The following KAZN variants were observed in gnomAD, a reference collection of about 807,000 sequenced individuals.
The protein encoded by KAZN is kazrin.
KAZN carries 40 observed loss-of-function variants against 87.4 expected under a neutral mutation model. The observed-to-expected ratio is 0.46, with a 90% CI of 0.36 to 0.60. The LOEUF (loss-of-function observed/expected upper bound fraction) is 0.60. Ranked by LOEUF, KAZN falls within the 20% of genes least tolerant of loss-of-function variation. The probability of loss-of-function intolerance (pLI) is 0.00; values close to 1 mark genes in which losing one functional copy is unlikely to be tolerated. For synonymous variants in KAZN, 466 were observed against 458.3 expected, an observed-to-expected ratio of 1.02 and a Z score of -0.22; for missense variants, 898 against 1,073.9, an observed-to-expected ratio of 0.84 and a Z score of 2.29.
chr1:14,317,802 A>G (rs1655760275), intron 2 of KAZN, among the ~76,000 whole-genome samples: 1 of 151,998 alleles, frequency 6.6e-6, no homozygotes, highest in Non-Finnish European at 1.5e-5. Flanking sequence ...TGATGAGAAA[A>G]AAAAACAATT....
chr1:14,420,340 G>A (rs538230483), intron 2 of KAZN, among the ~76,000 whole-genome samples: 98 of 152,316 alleles, frequency 6.4e-4, no homozygotes, highest in African/African-American at 2.1e-3. Flanking sequence ...GACACAGGGT[G>A]CTGATTGGTG....
intron 2 of KAZN, among the ~76,000 whole-genome samples, chr1:14,548,462 G>C (rs937363642): frequency 2.0e-5 from 3 of 152,142 alleles, no homozygotes; most frequent in Non-Finnish European, 4.4e-5. Context: ...GCCTCCAAAA[G>C]TGCTGCGATT....
At chr1:14,452,637 T>A (rs1571685127) in intron 2 of KAZN, among the ~76,000 whole-genome samples, 1 of 151,220 alleles carries the variant, frequency 6.6e-6, no homozygotes, top group East Asian at 2.0e-4. Flanking sequence ...CAGGGAAGAG[T>A]CAGATGGAAA....
At chr1:15,043,492 A>C (rs1182558652) in intron 3 of KAZN, among the ~76,000 whole-genome samples, 5 of 152,134 alleles carry the variant, frequency 3.3e-5, no homozygotes, top group African/African-American at 1.2e-4. Flanking sequence ...ATGCAGCAAA[A>C]AAAGGGTTTA....
At chr1:14,281,447 GTAAGGT>G (rs2100716231) in intron 2 of KAZN, among the ~76,000 whole-genome samples, 1 of 152,312 alleles carries the variant, frequency 6.6e-6, no homozygotes, top group African/African-American at 2.4e-5. Flanking sequence ...CACTGCCCCT[GTAAGGT>G]CAAGGGTGCT....
intron 2 of KAZN, among the ~76,000 whole-genome samples, chr1:14,359,187 C>T (rs746517064): frequency 1.3e-5 from 2 of 151,988 alleles, no homozygotes; most frequent in Non-Finnish European, 2.9e-5. Flanking sequence ...CGTCCTTCTT[C>T]GTCTTTATCT....
intron 1 of KAZN, among the ~76,000 whole-genome samples, chr1:14,855,891 C>T (rs570043407): frequency 6.6e-6 from 1 of 152,284 alleles, no homozygotes; most frequent in African/African-American, 2.4e-5. Context: ...GAGGAGGAAG[C>T]CTGTTCTCCC....
chr1:14,414,334 T>C (rs1288444128), intron 2 of KAZN, among the ~76,000 whole-genome samples: 2 of 143,634 alleles, frequency 1.4e-5, no homozygotes, highest in Non-Finnish European at 3.0e-5. Context: ...TGCAGCACTA[T>C]TTGTCATAGG....
intron 1 of KAZN, among the ~76,000 whole-genome samples, chr1:13,981,089 TTATA>T (rs1205017791): frequency 1.6e-5 from 1 of 63,132 alleles, no homozygotes; most frequent in Non-Finnish European, 3.4e-5. Context: ...AAATTACTCT[TTATA>T]TATATATATA....
In KAZN at chr1:14,069,119, G is replaced by T. The variant is rs72861262; in HGVS notation, c.92-111316G>T. On this transcript the variant is annotated intron_variant, in intron 1 of 16. Transcript: ENST00000636203. ...GCCAGTTGTTGAGTTATCAAGCAAG[G>T]TCTTCAGCTCATTATCCACTAATAG... 7.6e-3 allele frequency among the ~76,000 whole-genome samples: 1,155 copies of T among 152,194 alleles called. 12 individuals carry two copies. The highest frequency in any genetic ancestry group is 0.026 in the African/African-American group (1,080 of 41,530).
At chr1:14,549,190 T>C (rs935714731) in intron 2 of KAZN, among the ~76,000 whole-genome samples, 59 of 152,228 alleles carry the variant, frequency 3.9e-4, no homozygotes, top group African/African-American at 1.3e-3. Flanking sequence ...CATGTTGTTT[T>C]AGTTTCTGTC....
At chr1:14,065,697 A>G (rs534319112) in intron 1 of KAZN, among the ~76,000 whole-genome samples, 95 of 152,240 alleles carry the variant, frequency 6.2e-4, no homozygotes, top group African/African-American at 2.2e-3. Context: ...ACTTGTTCCA[A>G]TCGATATGCA....
rs113605122 is a variant in KAZN, at chr1:14,069,196, C to G, written c.92-111239C>G. 8.9e-3 allele frequency among the ~76,000 whole-genome samples: 1,357 copies of G among 152,302 alleles called. 21 individuals are homozygous for G. Among genetic ancestry groups the G allele is most frequent in the African/African-American group, 0.03 (1,256 of 41,562 alleles). ...ATGGGTAAAGAGAGCAGGATGGAAC[C>G]TGGTAAGTGAGTCTGTAGCTGCATT... On this transcript the variant is annotated intron_variant, in intron 1 of 16. Coordinates refer to the KAZN transcript ENST00000636203.
At chr1:14,021,822 C>CAACA (rs1455931942) in intron 1 of KAZN, among the ~76,000 whole-genome samples, 2 of 152,050 alleles carry the variant, frequency 1.3e-5, no homozygotes, top group African/African-American at 4.8e-5. Context: ...CTGGGGAAGC[C>CAACA]AATTTGTTCC....
intron 1 of KAZN, among the ~76,000 whole-genome samples, chr1:14,675,675 G>T (rs1572195988): frequency 6.6e-6 from 1 of 152,202 alleles, no homozygotes; most frequent in East Asian, 1.9e-4. Context: ...GCTGAACTCG[G>T]TCTTCTTCTA....
Position 15,066,471 on chromosome 1 carries a change from C to T in KAZN, c.1222+718C>T. ...AAGACTCGCGAGCCGGGCCAAGGGG[C>T]CTTGTCTTGGCTGGGTTTGTCAGAG... On this transcript the variant is annotated intron_variant, in intron 8 of 14. Coordinates refer to ENST00000376030, the MANE Select transcript of KAZN (RefSeq NM_201628.3). This position sits in a 1 kb window ranked among gnomAD's most constrained non-coding sequence, Gnocchi z 4.3. The T allele has an allele frequency of 1.0e-5, 10 of 985,386 alleles. No homozygotes were observed. The highest frequency in any genetic ancestry group is 1.2e-5 in the Non-Finnish European group (10 of 829,930). 61.0% of individuals were successfully genotyped at this position (985,386 alleles called of 1,614,324 possible).
chr1:14,906,321 T>C (rs867283848), intron 1 of KAZN, among the ~76,000 whole-genome samples: 3 of 152,170 alleles, frequency 2.0e-5, no homozygotes, highest in African/African-American at 7.2e-5. Flanking sequence ...GCTAGGTGTT[T>C]TCTTTCTCGC....
At chr1:14,416,699 T>G (rs1016699631) in intron 2 of KAZN, among the ~76,000 whole-genome samples, 1 of 151,832 alleles carries the variant, frequency 6.6e-6, no homozygotes, top group African/African-American at 2.4e-5. Flanking sequence ...ATCACGCCAC[T>G]GCACTCCAGC....
intron 2 of KAZN, among the ~76,000 whole-genome samples, chr1:14,250,854 T>C (rs1649964663): frequency 6.6e-6 from 1 of 150,994 alleles, no homozygotes; most frequent in Non-Finnish European, 1.5e-5. Flanking sequence ...AAGAAGAAAC[T>C]AAGGGATGAT....
Sources: allele counts gnomAD v4.1 joint callset (sites outside exome capture counted in the v4.1 genomes callset), GRCh38; gene constraint gnomAD v4.1.1; non-coding constraint Gnocchi (gnomAD v3.1); transcripts MANE v1.5; gene names NCBI Gene and HGNC (gene_info 2026-07-23, HGNC 2026-07-21).